SLC14A2: variants seen among roughly 807,000 people sequenced by gnomAD.
SLC14A2 encodes the protein solute carrier family 14 member 2.
SLC14A2 carries 91 observed loss-of-function variants against 104.6 expected under a neutral mutation model. The observed-to-expected ratio is 0.87, with a 90% confidence interval of 0.73 to 1.04. The LOEUF (loss-of-function observed/expected upper bound fraction) is 1.04. Among genes scored for constraint, SLC14A2 ranks in the 50% least tolerant of loss-of-function variants. The probability of loss-of-function intolerance (pLI) is 0.00; values close to 1 mark genes in which losing one functional copy is unlikely to be tolerated. For synonymous variants in SLC14A2, 476 were observed against 466.4 expected (o/e 1.02, Z -0.27); for missense variants, 1,189 against 1,156.0 (o/e 1.03, Z -0.41).
the SLC14A2 span, among the ~76,000 whole-genome samples, chr18:45,195,987 GGAA>G: frequency 7.5e-4 from 114 of 152,246 alleles, no homozygotes; most frequent in Non-Finnish European, 1.4e-3. Flanking sequence ...GCCACGTGGT[GGAA>G]GAAGATTTAT....
At chr18:45,273,254 G>A (rs1052867200) in intron 1 of SLC14A2, among the ~76,000 whole-genome samples, 1 of 152,128 alleles carries the variant, frequency 6.6e-6, no homozygotes, top group Non-Finnish European at 1.5e-5. Flanking sequence ...CCTCATAGCT[G>A]TAAGCTCAGC....
chr18:45,558,271 T>C (rs1443506422), intron 2 of SLC14A2, among the ~76,000 whole-genome samples: 1 of 152,192 alleles, frequency 6.6e-6, no homozygotes, highest in African/African-American at 2.4e-5. Context: ...GGACACCCAC[T>C]TGAAGCCAGT....
intron 2 of SLC14A2, among the ~76,000 whole-genome samples, chr18:45,500,576 C>A (rs368021426): frequency 3.5e-3 from 327 of 93,704 alleles, no homozygotes; most frequent in South Asian, 6.3e-3. Context: ...GACTCCGTCT[C>A]AAAAAAAAAA....
At chr18:45,212,743 A>G (rs574044389), upstream of SLC14A2, among the ~76,000 whole-genome samples, 3 of 152,300 alleles carry the variant, frequency 2.0e-5, no homozygotes, top group Admixed American at 2.0e-4. Flanking sequence ...CCCCAGGTGT[A>G]CCCTTCAATG....
intron 2 of SLC14A2, among the ~76,000 whole-genome samples, chr18:45,538,104 A>G (rs2043823148): frequency 6.6e-6 from 1 of 152,234 alleles, no homozygotes. Context: ...TCAAAAGCTC[A>G]GTGCCCTTCC....
intron 2 of SLC14A2, among the ~76,000 whole-genome samples, chr18:45,511,969 C>T (rs1033428684): frequency 6.6e-6 from 1 of 152,138 alleles, no homozygotes; most frequent in African/African-American, 2.4e-5. Context: ...GGCATCAAGG[C>T]ATTGACCCTG....
At chr18:45,198,610 T>G in the SLC14A2 span, among the ~76,000 whole-genome samples, 1 of 152,148 alleles carries the variant, frequency 6.6e-6, no homozygotes, top group African/African-American at 2.4e-5. Flanking sequence ...CAGTCTCTTT[T>G]GAATTGATAC....
the SLC14A2 span, among the ~76,000 whole-genome samples, chr18:45,177,620 T>C: frequency 1.3e-5 from 2 of 152,176 alleles, no homozygotes; most frequent in African/African-American, 4.8e-5. Flanking sequence ...GATTAAATGT[T>C]AGTGCCAGAG....
chr18:45,639,870 G>A lies in SLC14A2; in HGVS notation c.968G>A (p.Gly323Asp), dbSNP rs1352640903. The change falls in exon 7 of 20, where the codon GGC (glycine) becomes GAC (aspartate). Residue 323 changes from glycine to aspartate, a missense_variant. Coordinates refer to ENST00000255226, the MANE Select transcript of SLC14A2 (RefSeq NM_007163.4). ...CTCATCTGCTTGCATGCAGCCATTG[G>A]CTCAATCGTGGGGCTGCTAGCAGGT... ...SPLICLHAAIGSIVGLLAALS... is the reference protein window; with the variant it reads ...SPLICLHAAIDSIVGLLAALS... 1.2e-6 allele frequency: 2 copies of A among 1,613,474 alleles called. No individual in the cohort carries two copies. Among genetic ancestry groups the A allele is most frequent in the Non-Finnish European group, 1.7e-6 (2 of 1,179,956 alleles).
intron 1 of SLC14A2, among the ~76,000 whole-genome samples, chr18:45,292,200 C>T (rs907734794): frequency 2.0e-5 from 3 of 152,130 alleles, no homozygotes; most frequent in South Asian, 2.1e-4. Context: ...TTGCGGCAAC[C>T]CCTGTCAAAG....
In SLC14A2 at chr18:45,241,471, C is replaced by T. The variant is rs1013638850; in HGVS notation, c.-125+28280C>T. Among the ~76,000 whole-genome samples the T allele has an allele frequency of 7.2e-5, 11 of 152,216 alleles. No homozygotes were observed. In the East Asian group the frequency reaches 2.1e-3, roughly 29 times the overall value. On this transcript the variant is annotated intron_variant, in intron 1 of 20. Transcript: ENST00000586448. ...CCCTTTGTAGATAAGAAACCACTTT[C>T]TATCTGCTTCCGCTTGGCCACTGGG...
chr18:45,517,332 T>C (rs1461524305), intron 2 of SLC14A2, among the ~76,000 whole-genome samples: 1 of 152,122 alleles, frequency 6.6e-6, no homozygotes, highest in Admixed American at 6.5e-5. Flanking sequence ...CATTCCAATA[T>C]CTGCACAAAG....
intron 1 of SLC14A2, among the ~76,000 whole-genome samples, chr18:45,417,217 A>G (rs945522119): frequency 6.6e-6 from 1 of 152,154 alleles, no homozygotes; most frequent in Non-Finnish European, 1.5e-5. Flanking sequence ...AGCAAATTCA[A>G]CAAATTATGG....
chr18:45,447,262 T>G (rs1254618732), intron 1 of SLC14A2: 1 of 152,202 alleles, frequency 6.6e-6, no homozygotes, highest in East Asian at 1.9e-4. Flanking sequence ...TTACCTGGCT[T>G]CTTTGCCCCA....
At chr18:45,252,054 A>C (rs1739363296) in intron 1 of SLC14A2, among the ~76,000 whole-genome samples, 1 of 152,154 alleles carries the variant, frequency 6.6e-6, no homozygotes, top group South Asian at 2.1e-4. Context: ...TGTGTTACTG[A>C]TGAAAGCTAT....
At chr18:45,478,435 C>T (rs1007100735) in intron 1 of SLC14A2, among the ~76,000 whole-genome samples, 2 of 152,248 alleles carry the variant, frequency 1.3e-5, no homozygotes, top group Admixed American at 6.5e-5. Context: ...ATGCAGCCAT[C>T]TTGCCAGCCA....
chr18:45,305,333 T>A (rs2085008323), intron 1 of SLC14A2, among the ~76,000 whole-genome samples: 1 of 152,236 alleles, frequency 6.6e-6, no homozygotes. Flanking sequence ...TCTGGCTGAA[T>A]GTGTCCATCA....
At position 45,241,193 on chromosome 18, in the gene SLC14A2, A is replaced by C. The variant is rs141998030; in HGVS notation, c.-125+28002A>C. Among the ~76,000 whole-genome samples the C allele has an allele frequency of 3.8e-3, 578 of 152,330 alleles. 1 individual carries two copies. Among genetic ancestry groups the C allele is most frequent in the African/African-American group, 0.013 (559 of 41,584 alleles). Reference sequence around the variant, plus strand: ...CCTTGGGTGATGAGCTGGCACTGCAATGGGGTGGTCCTCGGCCACTGAGTA... The same window carrying C: ...CCTTGGGTGATGAGCTGGCACTGCACTGGGGTGGTCCTCGGCCACTGAGTA... On this transcript the variant is annotated intron_variant, in intron 1 of 20. Transcript: ENST00000586448.
chr18:45,175,045 C>T, the SLC14A2 span, among the ~76,000 whole-genome samples: 13,058 of 152,132 alleles, frequency 0.086, 755 homozygotes, highest in African/African-American at 0.15. Flanking sequence ...AGTACAACCC[C>T]GATGAAGGGC....
Sources: gnomAD v4.1 joint callset for allele counts (sites outside exome capture counted in the v4.1 genomes callset) on GRCh38, gnomAD v4.1.1 for gene constraint, MANE v1.5 for transcripts, NCBI Gene and HGNC (gene_info 2026-07-23, HGNC 2026-07-21) for gene names.